Variants in DOCK3 observed in about 807,000 individuals in gnomAD.
The protein encoded by DOCK3 is dedicator of cytokinesis 3.
In DOCK3, 60 loss-of-function variants were observed where a neutral mutation model predicts 265.6. That is an observed-to-expected ratio of 0.23 (90% CI 0.18 to 0.28). The LOEUF is 0.28. Among genes scored for constraint, DOCK3 ranks in the 10% least tolerant of loss-of-function variants. The pLI is 1.00. For synonymous variants in DOCK3, 881 were observed against 938.0 expected (o/e 0.94, Z 1.11); for missense variants, 1,981 against 2,594.3 (o/e 0.76, Z 5.14).
At chr3:51,064,740 G>A in intron 6 of DOCK3, 144 bp downstream of exon 6, 2 of 1,150,038 alleles carry the variant, frequency 1.7e-6, no homozygotes, top group Non-Finnish European at 1.2e-6. Context: ...TTTTTGCTAG[G>A]AGCAGTTATT....
intron 9 of DOCK3, among the ~76,000 whole-genome samples, chr3:51,108,713 A>G (rs1298695875): frequency 6.6e-6 from 1 of 152,230 alleles, no homozygotes; most frequent in Non-Finnish European, 1.5e-5. Flanking sequence ...CAAATGGAAA[A>G]CAGAAAAAAG....
chr3:50,823,545 A>G (rs1262521293), intron 2 of DOCK3, among the ~76,000 whole-genome samples: 2 of 152,228 alleles, frequency 1.3e-5, no homozygotes, highest in Non-Finnish European at 2.9e-5. Flanking sequence ...GAACAAAATG[A>G]AAAGTCTCCC....
At chr3:51,067,466 T>TGTGTGTG in intron 6 of DOCK3, among the ~76,000 whole-genome samples, 1 of 128,118 alleles carries the variant, frequency 7.8e-6, no homozygotes, top group African/African-American at 3.1e-5. Flanking sequence ...TGCGCGCGCG[T>TGTGTGTG]TGGAGGGGTA....
At chr3:50,961,231 CA>C (rs1198773645) in intron 5 of DOCK3, among the ~76,000 whole-genome samples, 1 of 152,054 alleles carries the variant, frequency 6.6e-6, no homozygotes, top group Non-Finnish European at 1.5e-5. Context: ...ATCAGCTTGT[CA>C]AAAAATTTGG....
chr3:51,300,510 C>T (rs1331500789), intron 27 of DOCK3, among the ~76,000 whole-genome samples: 1 of 152,132 alleles, frequency 6.6e-6, no homozygotes, highest in Non-Finnish European at 1.5e-5. Flanking sequence ...CAGCTTTTGC[C>T]CATTCAGTAT....
intron 3 of DOCK3, among the ~76,000 whole-genome samples, chr3:50,889,096 TGTGTGTGTG>T (rs2048509770): frequency 6.6e-6 from 1 of 151,204 alleles, no homozygotes; most frequent in African/African-American, 2.4e-5. Flanking sequence ...TGTGTGTGTG[TGTGTGTGTG>T]TGTGTGTTTA....
chr3:50,943,275 C>T (rs1430090684), intron 5 of DOCK3, among the ~76,000 whole-genome samples: 1 of 151,898 alleles, frequency 6.6e-6, no homozygotes, highest in African/African-American at 2.4e-5. Flanking sequence ...TCTGGTGAAT[C>T]TCTGTTTTGT....
intron 2 of DOCK3, among the ~76,000 whole-genome samples, chr3:50,827,003 T>C (rs2044796671): frequency 6.6e-6 from 1 of 152,088 alleles, no homozygotes; most frequent in Non-Finnish European, 1.5e-5. Flanking sequence ...GGCTTCCAGA[T>C]TGAAAGGGCC....
chr3:51,345,418 C>T (rs2085497379), intron 38 of DOCK3, among the ~76,000 whole-genome samples: 2 of 152,040 alleles, frequency 1.3e-5, no homozygotes, highest in East Asian at 1.9e-4. Context: ...TGAGACCAGC[C>T]GAGGTAACAT....
At chr3:51,362,406 T>G (rs2086801907) in intron 48 of DOCK3, 121 bp from the exon 49 acceptor site, 4 of 1,320,650 alleles carry the variant, frequency 3.0e-6, no homozygotes, top group Non-Finnish European at 4.2e-6. Context: ...CCATCAGGGC[T>G]CAGGGGATAG....
intron 12 of DOCK3, among the ~76,000 whole-genome samples, chr3:51,205,556 G>C (rs1435080134): frequency 6.6e-6 from 1 of 151,472 alleles, no homozygotes; most frequent in Non-Finnish European, 1.5e-5. Flanking sequence ...ACAAAAATTA[G>C]CTCGGCATGG....
At chr3:51,318,243 G>A in intron 32 of DOCK3, among the ~76,000 whole-genome samples, 1 of 152,084 alleles carries the variant, frequency 6.6e-6, no homozygotes, top group East Asian at 1.9e-4. Flanking sequence ...ACCGGGCGTG[G>A]TGGCAGGTGC....
At chr3:50,979,012 G>C (rs941504896) in intron 5 of DOCK3, among the ~76,000 whole-genome samples, 1 of 152,042 alleles carries the variant, frequency 6.6e-6, no homozygotes, top group African/African-American at 2.4e-5. Flanking sequence ...GCTCGCGTAC[G>C]GTGCGCACAC....
chr3:50,916,846 CAAAAA>C (rs397877086), intron 4 of DOCK3, among the ~76,000 whole-genome samples: 2 of 77,100 alleles, frequency 2.6e-5, no homozygotes, highest in Admixed American at 1.5e-4. Context: ...GACTCCGTTT[CAAAAA>C]AAAAAAAAAA....
intron 9 of DOCK3, among the ~76,000 whole-genome samples, chr3:51,138,231 A>T (rs75501169): frequency 0.012 from 1,775 of 152,316 alleles, 11 homozygotes; most frequent in Non-Finnish European, 0.017. Flanking sequence ...TCATGGGAAC[A>T]TTGGATAGAT....
At chr3:50,794,630 G>A (rs2042667848) in intron 2 of DOCK3, among the ~76,000 whole-genome samples, 1 of 152,176 alleles carries the variant, frequency 6.6e-6, no homozygotes, top group Admixed American at 6.5e-5. Context: ...GTGTTTGCAT[G>A]TGACATGGAT....
chr3:51,077,326 T>G (rs1014588760), intron 7 of DOCK3, among the ~76,000 whole-genome samples: 1 of 152,162 alleles, frequency 6.6e-6, no homozygotes, highest in Non-Finnish European at 1.5e-5. Context: ...AGTAAGCTTG[T>G]GAAGGTAAAT....
chr3:51,146,517 A>G (rs2085311329), intron 9 of DOCK3, 32 bp from the exon 10 acceptor site: 1 of 1,563,668 alleles, frequency 6.4e-7, no homozygotes, highest in Non-Finnish European at 8.7e-7. Context: ...TGTTACTCAC[A>G]TTTCTCTATA....
chr3:50,734,191 G>A (rs2038414021), intron 1 of DOCK3, among the ~76,000 whole-genome samples: 1 of 152,144 alleles, frequency 6.6e-6, no homozygotes, highest in Admixed American at 6.5e-5. Flanking sequence ...CAACAAATAT[G>A]TGTAGTTTTT....
Sources: allele counts gnomAD v4.1 joint callset (sites outside exome capture counted in the v4.1 genomes callset), GRCh38; gene constraint gnomAD v4.1.1; transcripts MANE v1.5; gene names NCBI Gene and HGNC (gene_info 2026-07-23, HGNC 2026-07-21).